The following STPG2 variants were observed in gnomAD, a reference collection of about 807,000 sequenced individuals.
The protein encoded by STPG2 is sperm tail PG-rich repeat containing 2.
Under a neutral mutation model 54.2 loss-of-function variants are expected in STPG2, and 56 were observed. The ratio of observed to expected loss-of-function variants is 1.03; its 90% CI spans 0.83 to 1.29. STPG2 has a LOEUF of 1.29. Among genes scored for constraint, STPG2 ranks in the 50% most tolerant of loss-of-function variants. The pLI is 0.00. For missense variants in STPG2, 596 were observed against 544.9 expected, an observed-to-expected ratio of 1.09 and a Z score of -0.93; for synonymous variants, 200 against 181.8, an observed-to-expected ratio of 1.10 and a Z score of -0.81.
intron 5 of STPG2, chr4:98,025,535 A>G: frequency 1.4e-6 from 1 of 700,666 alleles, no homozygotes; most frequent in Non-Finnish European, 2.6e-6. Flanking sequence ...CAAATACAGG[A>G]TGATAGTTCG....
chr4:98,087,466 T>C (rs1229818425), intron 5 of STPG2, among the ~76,000 whole-genome samples: 3 of 152,144 alleles, frequency 2.0e-5, no homozygotes, highest in African/African-American at 7.2e-5. Flanking sequence ...CTACTCAAAA[T>C]GCCCTCATCC....
intron 8 of STPG2, among the ~76,000 whole-genome samples, chr4:97,872,030 A>C (rs1320910757): frequency 6.6e-6 from 1 of 151,146 alleles, no homozygotes; most frequent in Admixed American, 6.6e-5. Flanking sequence ...TATCTCTAAA[A>C]AGAACAGTCA....
chr4:97,775,122 G>A (rs368862038), intron 9 of STPG2, among the ~76,000 whole-genome samples: 40 of 152,282 alleles, frequency 2.6e-4, no homozygotes, highest in African/African-American at 5.3e-4. Context: ...TAAAAAGGGC[G>A]CATAAATAGA....
At chr4:97,832,715 A>G (rs963678821) in intron 9 of STPG2, among the ~76,000 whole-genome samples, 3 of 152,184 alleles carry the variant, frequency 2.0e-5, no homozygotes, top group Non-Finnish European at 4.4e-5. Flanking sequence ...CTATACACCA[A>G]TAACAGACAA....
At chr4:97,884,912 A>C (rs952547751) in intron 8 of STPG2, among the ~76,000 whole-genome samples, 3 of 152,146 alleles carry the variant, frequency 2.0e-5, no homozygotes, top group Non-Finnish European at 4.4e-5. Context: ...ACCAAAAAAA[A>C]CCAGACTGTT....
intron 4 of STPG2, among the ~76,000 whole-genome samples, chr4:97,515,074 G>A (rs140733525): frequency 4.6e-5 from 7 of 152,174 alleles, no homozygotes; most frequent in South Asian, 2.1e-4. Context: ...AACGTGAGAC[G>A]TGACTAATAA....
chr4:97,709,521 T>C (rs1221135612), intron 10 of STPG2, among the ~76,000 whole-genome samples: 1 of 151,448 alleles, frequency 6.6e-6, no homozygotes, highest in East Asian at 1.9e-4. Flanking sequence ...TGAACTTCAA[T>C]TAATTTCAGC....
At chr4:97,907,540 A>G (rs1286420234) in intron 8 of STPG2, among the ~76,000 whole-genome samples, 1 of 152,014 alleles carries the variant, frequency 6.6e-6, no homozygotes, top group South Asian at 2.1e-4. Context: ...ATGGAACCAA[A>G]AAAGAGCCTA....
intron 10 of STPG2, among the ~76,000 whole-genome samples, chr4:97,563,036 C>A (rs1167524559): frequency 6.6e-6 from 1 of 152,090 alleles, no homozygotes; most frequent in African/African-American, 2.4e-5. Context: ...CCTCCTTGTA[C>A]CTCTGGTAGA....
intron 10 of STPG2, among the ~76,000 whole-genome samples, chr4:97,563,882 G>A: frequency 6.6e-6 from 1 of 151,866 alleles, no homozygotes; most frequent in East Asian, 1.9e-4. Flanking sequence ...TTTGGAATAG[G>A]TGTGGTGCTG....
intron 4 of STPG2, among the ~76,000 whole-genome samples, chr4:97,486,845 A>ATATATATATATATATACATATATGTATG (rs758834350): frequency 1.8e-3 from 243 of 137,098 alleles, no homozygotes; most frequent in South Asian, 4.2e-3. Context: ...ATATATATAT[A>ATATATATATATATATACATATATGTATG]TATGTATGTA....
Position 97,941,122 on chromosome 4 carries a change from C to T in STPG2, c.1044+2775G>A, listed in dbSNP as rs1006318888. On this transcript the variant is annotated intron_variant, in intron 8 of 10. Transcript: ENST00000295268. ...CCCTGAGAAATTTAAGAAAATATTA[C>T]TTCACCATCTCCTAGCCTTGAAATG... is the stretch of plus-strand genomic sequence containing the variant. Among the ~76,000 whole-genome samples, 3 of 152,114 alleles carry T rather than the reference C, an allele frequency of 2.0e-5. 1 individual carries two copies. Among genetic ancestry groups the T allele is most frequent in the Middle Eastern group, 6.8e-3 (2 of 294 alleles).
At chr4:97,720,034 T>G (rs1724401666) in intron 9 of STPG2, among the ~76,000 whole-genome samples, 1 of 151,996 alleles carries the variant, frequency 6.6e-6, no homozygotes, top group South Asian at 2.1e-4. Flanking sequence ...TTCTGTTATG[T>G]GGATGTCATA....
intron 5 of STPG2, among the ~76,000 whole-genome samples, chr4:97,988,461 A>G (rs931767731): frequency 6.6e-6 from 1 of 152,214 alleles, no homozygotes; most frequent in African/African-American, 2.4e-5. Context: ...TACCTGAAAC[A>G]CAGTAGGGTT....
At chr4:97,625,098 T>C (rs1560690973) in intron 10 of STPG2, among the ~76,000 whole-genome samples, 2 of 152,214 alleles carry the variant, frequency 1.3e-5, no homozygotes, top group Non-Finnish European at 2.9e-5. Flanking sequence ...CCTTCAGTAC[T>C]GTGAGAAAAC....
intron 4 of STPG2, among the ~76,000 whole-genome samples, chr4:97,445,670 G>C (rs1004427073): frequency 1.3e-5 from 2 of 152,136 alleles, no homozygotes; most frequent in African/African-American, 2.4e-5. Flanking sequence ...GTGGCTAGTG[G>C]CTACCATCAT....
chr4:97,476,848 G>A (rs1285546071), intron 4 of STPG2, among the ~76,000 whole-genome samples: 3 of 152,118 alleles, frequency 2.0e-5, no homozygotes, highest in African/African-American at 4.8e-5. Flanking sequence ...ACTCTAAGTG[G>A]TTCCAAATAT....
At chr4:97,748,373 A>G (rs1725483197) in intron 9 of STPG2, among the ~76,000 whole-genome samples, 1 of 151,594 alleles carries the variant, frequency 6.6e-6, no homozygotes, top group African/African-American at 2.4e-5. Flanking sequence ...AGATATTAGA[A>G]CTATAAGTTA....
intron 10 of STPG2, among the ~76,000 whole-genome samples, chr4:97,598,138 T>C (rs1264797239): frequency 2.0e-5 from 3 of 151,860 alleles, no homozygotes; most frequent in Non-Finnish European, 4.4e-5. Context: ...CCATTCACAA[T>C]AGCCACAAAA....
Sources: gnomAD v4.1 joint callset for allele counts (sites outside exome capture counted in the v4.1 genomes callset) on GRCh38, gnomAD v4.1.1 for gene constraint, MANE v1.5 for transcripts, NCBI Gene and HGNC (gene_info 2026-07-23, HGNC 2026-07-21) for gene names.